The following CAMTA1 variants were observed in gnomAD, a reference collection of about 807,000 sequenced individuals.
CAMTA1 encodes the protein calmodulin-binding transcription activator 1.
CAMTA1 carries 27 observed loss-of-function variants against 170.9 expected under a neutral mutation model. That is an observed-to-expected ratio of 0.16 (90% CI 0.12 to 0.22). The LOEUF (loss-of-function observed/expected upper bound fraction) is 0.22, where lower values mean the gene tolerates loss of function less well. Among genes scored for constraint, CAMTA1 ranks in the 10% least tolerant of loss-of-function variants. The pLI is 1.00. For missense variants in CAMTA1, 1,619 were observed against 2,217.2 expected (o/e 0.73, Z 5.42); for synonymous variants, 833 against 891.5 (o/e 0.93, Z 1.17).
intron 3 of CAMTA1, among the ~76,000 whole-genome samples, chr1:6,986,226 G>C (rs1005517876): frequency 2.6e-5 from 4 of 152,236 alleles, no homozygotes; most frequent in Admixed American, 1.3e-4. Context: ...TCTGATCCCT[G>C]CTCAGGTACT....
chr1:6,911,642 CT>C (rs1679704214), intron 3 of CAMTA1, among the ~76,000 whole-genome samples: 1 of 152,188 alleles, frequency 6.6e-6, no homozygotes, highest in Admixed American at 6.5e-5. Flanking sequence ...GAGAAGCCCC[CT>C]GTCCGAGGCC....
chr1:7,193,996 C>T (rs998251840), intron 4 of CAMTA1, among the ~76,000 whole-genome samples: 1 of 152,182 alleles, frequency 6.6e-6, no homozygotes, highest in African/African-American at 2.4e-5. Flanking sequence ...CCCTTAGCAT[C>T]ATATCTCACT....
chr1:6,788,073 AACGTT>A (rs1278114702), intron 1 of CAMTA1, among the ~76,000 whole-genome samples: 1 of 152,024 alleles, frequency 6.6e-6, no homozygotes, highest in Non-Finnish European at 1.5e-5. Flanking sequence ...GAGGATGGGG[AACGTT>A]ATTCTTCAAG....
intron 4 of CAMTA1, among the ~76,000 whole-genome samples, chr1:7,209,637 C>G (rs1190481989): frequency 1.3e-5 from 2 of 152,242 alleles, no homozygotes; most frequent in African/African-American, 2.4e-5. Flanking sequence ...CATCACCTAC[C>G]TACTCCACAG....
chr1:7,729,945 C>T (rs1410664688), intron 11 of CAMTA1, among the ~76,000 whole-genome samples: 1 of 152,190 alleles, frequency 6.6e-6, no homozygotes, highest in Non-Finnish European at 1.5e-5. Context: ...CAGATTATCC[C>T]TTTGCATGAT....
chr1:6,891,212 A>T (rs1480437254), intron 3 of CAMTA1, among the ~76,000 whole-genome samples: 1 of 152,214 alleles, frequency 6.6e-6, no homozygotes, highest in African/African-American at 2.4e-5. Context: ...AGTTGCTAAG[A>T]TAGTTTGGAG....
chr1:7,110,107 C>G (rs1027882803), intron 4 of CAMTA1, among the ~76,000 whole-genome samples: 1 of 152,158 alleles, frequency 6.6e-6, no homozygotes, highest in African/African-American at 2.4e-5. Flanking sequence ...CTTCCTGGAT[C>G]GTGTTCCTGG....
intron 3 of CAMTA1, among the ~76,000 whole-genome samples, chr1:6,895,512 A>G (rs1675438627): frequency 6.6e-6 from 1 of 152,208 alleles, no homozygotes; most frequent in Non-Finnish European, 1.5e-5. Context: ...AAGAATGTAA[A>G]TAGGATTCGT....
chr1:7,468,019 G>A, intron 6 of CAMTA1, 118 bp downstream of exon 6: 1 of 815,598 alleles, frequency 1.2e-6, no homozygotes, highest in Admixed American at 2.1e-5. Context: ...GCCCTGGTGA[G>A]CTTGCCTAGG....
At chr1:7,259,699 G>A (rs1406797559) in intron 5 of CAMTA1, among the ~76,000 whole-genome samples, 2 of 152,168 alleles carry the variant, frequency 1.3e-5, no homozygotes, top group Non-Finnish European at 2.9e-5. Context: ...AGAAAATATC[G>A]AATTGAAATC....
intron 1 of CAMTA1, among the ~76,000 whole-genome samples, chr1:6,786,661 A>G (rs1351910386): frequency 6.6e-6 from 1 of 152,080 alleles, no homozygotes; most frequent in African/African-American, 2.4e-5. Flanking sequence ...GGGCGAGCTC[A>G]TTTCCTAAAT....
intron 4 of CAMTA1, among the ~76,000 whole-genome samples, chr1:7,205,577 A>T (rs1657583176): frequency 6.6e-6 from 1 of 152,108 alleles, no homozygotes; most frequent in Non-Finnish European, 1.5e-5. Context: ...CATTTTTTTA[A>T]AGTCTATTGT....
intron 3 of CAMTA1, among the ~76,000 whole-genome samples, chr1:6,920,767 C>T (rs1486329993): frequency 6.6e-6 from 1 of 152,220 alleles, no homozygotes; most frequent in Non-Finnish European, 1.5e-5. Context: ...GGGCTTCCAC[C>T]CTCTGAAGCA....
Position 7,633,092 on chromosome 1 carries a change from T to C in CAMTA1, c.511-7308T>C, listed in dbSNP as rs926888036. On this transcript the variant is annotated intron_variant, in intron 6 of 22. Transcript: ENST00000303635. The surrounding 1 kb of genome is among the most constrained non-coding windows in gnomAD (Gnocchi z 4.1). ...CAGAGCAGGCATTCTCTGCAGAATG[T>C]TCTTAGCCTCTCCTGTGCTTTTGGA... Among the ~76,000 whole-genome samples, 1 of 152,212 alleles carries C rather than the reference T, an allele frequency of 6.6e-6. No homozygotes were observed. Among genetic ancestry groups the C allele is most frequent in the Non-Finnish European group, 1.5e-5 (1 of 68,034 alleles).
At chr1:7,536,440 G>GT (rs1419085752) in intron 6 of CAMTA1, among the ~76,000 whole-genome samples, 1 of 152,200 alleles carries the variant, frequency 6.6e-6, no homozygotes, top group African/African-American at 2.4e-5. Flanking sequence ...TTTGCTGTGG[G>GT]TTCGGTTTCT....
chr1:7,603,877 G>C (rs2095465789), intron 6 of CAMTA1, among the ~76,000 whole-genome samples: 1 of 152,128 alleles, frequency 6.6e-6, no homozygotes, highest in Admixed American at 6.5e-5. Context: ...GGGCAGGCCT[G>C]GTGGTAACAA....
chr1:7,190,682 A>G (rs1044219078), intron 4 of CAMTA1, among the ~76,000 whole-genome samples: 1 of 152,208 alleles, frequency 6.6e-6, no homozygotes, highest in African/African-American at 2.4e-5. Flanking sequence ...AAAAACAAAT[A>G]TAGTAAGCCC....
intron 4 of CAMTA1, among the ~76,000 whole-genome samples, chr1:7,197,335 G>A (rs1222975312): frequency 6.6e-6 from 1 of 152,194 alleles, no homozygotes; most frequent in African/African-American, 2.4e-5. Context: ...CCAGAGTGGG[G>A]AGACAGCTCA....
In CAMTA1 at chr1:7,093,441, C is replaced by G. The variant is rs142330361; in HGVS notation, c.302+2070C>G. On this transcript the variant is annotated intron_variant, in intron 4 of 22. Coordinates refer to ENST00000303635, the MANE Select transcript of CAMTA1 (RefSeq NM_015215.4). This position sits in a 1 kb window ranked among gnomAD's most constrained non-coding sequence, Gnocchi z 4.6. ...CCAGCCTCTCCTTGCGCCCTTCACT[C>G]TCCGCTGAAACACTCCTTGAATCTA... is the stretch of plus-strand genomic sequence containing the variant. Among the ~76,000 whole-genome samples, 51 of 152,266 alleles carry G rather than the reference C, an allele frequency of 3.3e-4. No individual in the cohort carries two copies. In the East Asian group the frequency reaches 9.1e-3, roughly 27 times the overall value.
Sources: gnomAD v4.1 joint callset for allele counts (sites outside exome capture counted in the v4.1 genomes callset) on GRCh38, gnomAD v4.1.1 for gene constraint, Gnocchi (gnomAD v3.1) non-coding constraint, MANE v1.5 for transcripts, NCBI Gene and HGNC (gene_info 2026-07-23, HGNC 2026-07-21) for gene names.